The following LRRC4C variants were observed in gnomAD, a reference collection of about 807,000 sequenced individuals.
The protein encoded by LRRC4C is leucine rich repeat containing 4C.
In LRRC4C, 5 loss-of-function variants were observed where a neutral mutation model predicts 33.6. The observed-to-expected ratio is 0.15, with a 90% CI of 0.08 to 0.31. The LOEUF (loss-of-function observed/expected upper bound fraction) is 0.31, where lower values mean the gene tolerates loss of function less well. LRRC4C is among the 10% of genes least tolerant of loss of function. The pLI, the probability that LRRC4C is intolerant of heterozygous loss-of-function variation, is 1.00. For synonymous variants in LRRC4C, 329 were observed against 302.0 expected, an observed-to-expected ratio of 1.09 and a Z score of -0.93; for missense variants, 560 against 796.7, an observed-to-expected ratio of 0.70 and a Z score of 3.58.
At chr11:40,478,015 C>T (rs940975774) in intron 3 of LRRC4C, among the ~76,000 whole-genome samples, 1 of 152,158 alleles carries the variant, frequency 6.6e-6, no homozygotes, top group Admixed American at 6.6e-5. Flanking sequence ...TGTTTCTTTG[C>T]CTGCTGTCAT....
chr11:40,565,804 GCTTGTATAAAA>G (rs1400322902), intron 3 of LRRC4C, among the ~76,000 whole-genome samples: 2 of 151,926 alleles, frequency 1.3e-5, no homozygotes, highest in Non-Finnish European at 2.9e-5. Context: ...TAAAATTCTG[GCTTGTATAAAA>G]AGCTTTTGCT....
intron 1 of LRRC4C, among the ~76,000 whole-genome samples, chr11:41,205,760 A>G (rs886622394): frequency 6.6e-6 from 1 of 152,206 alleles, no homozygotes; most frequent in Non-Finnish European, 1.5e-5. Flanking sequence ...TTTCCAGTAC[A>G]TTAGCAAACT....
chr11:40,667,783 A>G (rs1013214709), intron 2 of LRRC4C, among the ~76,000 whole-genome samples: 1 of 152,218 alleles, frequency 6.6e-6, no homozygotes, highest in Non-Finnish European at 1.5e-5. Flanking sequence ...AGAAGACTCC[A>G]AACTTCAGAA....
chr11:41,257,412 T>C (rs1450792649), intron 1 of LRRC4C, among the ~76,000 whole-genome samples: 1 of 151,892 alleles, frequency 6.6e-6, no homozygotes, highest in African/African-American at 2.4e-5. Flanking sequence ...ACACTTAACT[T>C]GGTTAATTTC....
chr11:40,636,231 GT>G (rs1275901853), intron 3 of LRRC4C, among the ~76,000 whole-genome samples: 1 of 152,170 alleles, frequency 6.6e-6, no homozygotes, highest in East Asian at 1.9e-4. Context: ...TCAGCGGCCA[GT>G]TTCCAACACA....
intron 3 of LRRC4C, among the ~76,000 whole-genome samples, chr11:40,563,650 A>G (rs1957642828): frequency 6.6e-6 from 1 of 152,188 alleles, no homozygotes; most frequent in African/African-American, 2.4e-5. Context: ...AGCTCCCAAG[A>G]TGTGTACATT....
chr11:41,015,462 G>T (rs1855514077), intron 1 of LRRC4C, among the ~76,000 whole-genome samples: 1 of 152,058 alleles, frequency 6.6e-6, no homozygotes, highest in African/African-American at 2.4e-5. Flanking sequence ...CTGAGTAGCT[G>T]GGATTATAGG....
At chr11:40,392,112 T>C (rs771666672) in intron 3 of LRRC4C, among the ~76,000 whole-genome samples, 2 of 152,052 alleles carry the variant, frequency 1.3e-5, no homozygotes, top group Non-Finnish European at 2.9e-5. Flanking sequence ...AGTAGCAAGA[T>C]CAGTGGTTGC....
At chr11:41,079,464 A>G (rs913671556) in intron 1 of LRRC4C, among the ~76,000 whole-genome samples, 1 of 152,216 alleles carries the variant, frequency 6.6e-6, no homozygotes, top group African/African-American at 2.4e-5. Context: ...CCAATAAATT[A>G]AAAAATCTTT....
At chr11:40,698,444 G>A (rs1377883449) in intron 2 of LRRC4C, among the ~76,000 whole-genome samples, 3 of 151,412 alleles carry the variant, frequency 2.0e-5, no homozygotes, top group East Asian at 1.9e-4. Flanking sequence ...GAGTCAATAA[G>A]AGCATTTTTT....
At chr11:41,095,487 T>C (rs149622344) in intron 1 of LRRC4C, among the ~76,000 whole-genome samples, 1 of 152,236 alleles carries the variant, frequency 6.6e-6, no homozygotes, top group East Asian at 1.9e-4. Context: ...CCAGAACTCT[T>C]CTCCATGGGA....
At chr11:41,026,000 T>C (rs116888475) in intron 1 of LRRC4C, among the ~76,000 whole-genome samples, 1,699 of 151,840 alleles carry the variant, frequency 0.011, 19 homozygotes, top group Non-Finnish European at 0.013. Context: ...CCAAAAGCTC[T>C]GGTAGGAGAT....
chr11:40,412,488 A>C (rs1481760812), intron 3 of LRRC4C, among the ~76,000 whole-genome samples: 1 of 151,942 alleles, frequency 6.6e-6, no homozygotes, highest in Non-Finnish European at 1.5e-5. Flanking sequence ...ACATGTAATG[A>C]TTTAGCAATT....
intron 3 of LRRC4C, among the ~76,000 whole-genome samples, chr11:40,417,320 ATTTTT>A (rs5791378): frequency 1.3e-5 from 2 of 148,620 alleles, no homozygotes; most frequent in Admixed American, 6.6e-5. Context: ...GAGAGACATG[ATTTTT>A]TTTTTATTTA....
intron 1 of LRRC4C, among the ~76,000 whole-genome samples, chr11:41,287,248 A>T (rs577677658): frequency 2.6e-5 from 4 of 152,312 alleles, no homozygotes; most frequent in Non-Finnish European, 4.4e-5. Context: ...TTACATAGAA[A>T]GAACTATAAC....
chr11:40,767,720 C>T (rs1158225734), intron 2 of LRRC4C, among the ~76,000 whole-genome samples: 1 of 151,614 alleles, frequency 6.6e-6, no homozygotes, highest in East Asian at 1.9e-4. Flanking sequence ...TCCTAAATGA[C>T]CAATAAGTCA....
chr11:40,986,547 A>G (rs139668101), intron 1 of LRRC4C, among the ~76,000 whole-genome samples: 1 of 152,302 alleles, frequency 6.6e-6, no homozygotes, highest in Non-Finnish European at 1.5e-5. Flanking sequence ...GGCCATGATT[A>G]CATCACTGCA....
intron 1 of LRRC4C, among the ~76,000 whole-genome samples, chr11:41,009,179 A>G (rs369172381): frequency 2.0e-5 from 3 of 152,142 alleles, no homozygotes; most frequent in African/African-American, 7.2e-5. Context: ...ATTTTCTGAT[A>G]TATGTAGTAA....
At position 41,114,449 on chromosome 11, in the gene LRRC4C, C is replaced by G. The variant is rs1306406485; in HGVS notation, c.-495-180726G>C. ...ATCTAAGATTTGTTTCAAAGGATGT[C>G]CTGAAGACTTCAGTTGGTTCAAGTG... On this transcript the variant is annotated intron_variant, in intron 1 of 6. Coordinates refer to ENST00000528697, the MANE Select transcript of LRRC4C (RefSeq NM_001258419.2). 2.2e-4 allele frequency among the ~76,000 whole-genome samples: 34 copies of G among 151,918 alleles called. 1 individual carries two copies. Among genetic ancestry groups the G allele is most frequent in the Admixed American group, 2.2e-3 (33 of 15,226 alleles).
Sources: allele counts gnomAD v4.1 joint callset (sites outside exome capture counted in the v4.1 genomes callset), GRCh38; gene constraint gnomAD v4.1.1; transcripts MANE v1.5; gene names NCBI Gene and HGNC (gene_info 2026-07-23, HGNC 2026-07-21).